The following RASA3 variants were observed in gnomAD, a reference collection of about 807,000 sequenced individuals.
RASA3 encodes the protein ras GTPase-activating protein 3.
In RASA3, 73 loss-of-function variants were observed where a neutral mutation model predicts 110.0. That is an observed-to-expected ratio of 0.66 (90% confidence interval 0.55 to 0.81). RASA3 has a LOEUF of 0.81. Among genes scored for constraint, RASA3 ranks in the 30% least tolerant of loss-of-function variants. The pLI is 0.00. For synonymous variants in RASA3, 500 were observed against 451.4 expected (o/e 1.11, Z -1.37); for missense variants, 976 against 1,113.2 (o/e 0.88, Z 1.75).
chr13:114,067,996 C>T (rs1316778251), intron 2 of RASA3, among the ~76,000 whole-genome samples: 7 of 152,232 alleles, frequency 4.6e-5, no homozygotes, highest in Admixed American at 4.6e-4. Flanking sequence ...TTTGGGGGTG[C>T]TCATGATTTT....
chr13:113,990,492 C>T (rs1327617239), intron 22 of RASA3, among the ~76,000 whole-genome samples: 2 of 152,200 alleles, frequency 1.3e-5, no homozygotes, highest in Non-Finnish European at 2.9e-5. Context: ...TCACCCTCTC[C>T]GAGGCTCCCT....
intron 1 of RASA3, among the ~76,000 whole-genome samples, chr13:114,101,467 G>A (rs147163523): frequency 1.9e-4 from 29 of 152,298 alleles, no homozygotes; most frequent in African/African-American, 2.4e-4. Flanking sequence ...GCTGGGCCCC[G>A]CCCTGAGACA....
rs2080226843 is a variant in RASA3 at position 114,112,071 on chromosome 13, C to T, written c.55+20364G>A. On this transcript the variant is annotated intron_variant, in intron 1 of 23. Coordinates refer to ENST00000334062, the MANE Select transcript of RASA3 (RefSeq NM_007368.4). This position sits in a 1 kb window ranked among gnomAD's most constrained non-coding sequence, Gnocchi z 4.8. ...GTCCCGTAAGTGACACTGTCCCTCC[C>T]TCTCCCTGGAAACAGCAGCCCCCAG... 6.8e-6 allele frequency among the ~76,000 whole-genome samples: 1 copy of T among 148,024 alleles called. No homozygotes were observed. Among genetic ancestry groups the T allele is most frequent in the African/African-American group, 2.5e-5 (1 of 39,532 alleles).
At chr13:114,130,682 G>A (rs764837812) in intron 1 of RASA3, among the ~76,000 whole-genome samples, 19 of 152,310 alleles carry the variant, frequency 1.2e-4, no homozygotes, top group Admixed American at 4.6e-4. Context: ...AAGTCCTGCC[G>A]TGGCCTGAAG....
At chr13:114,052,681 GGA>G (rs2095895875) in intron 2 of RASA3, among the ~76,000 whole-genome samples, 2 of 151,782 alleles carry the variant, frequency 1.3e-5, no homozygotes, top group African/African-American at 4.8e-5. Flanking sequence ...CGCTCCTGGG[GGA>G]GAGGCCCCCG....
At chr13:113,989,582 CATCA>C (rs1297699316) in intron 22 of RASA3, among the ~76,000 whole-genome samples, 19 of 151,436 alleles carry the variant, frequency 1.3e-4, no homozygotes, top group Admixed American at 1.3e-4. Context: ...TCTATCCACC[CATCA>C]CTCACCCCAG....
In RASA3 at chr13:114,132,425, G is replaced by A. The variant is rs1378794889; in HGVS notation, c.55+10C>T. On this transcript the variant is annotated intron_variant, in intron 1 of 23. Coordinates refer to ENST00000334062, the MANE Select transcript of RASA3 (RefSeq NM_007368.4). ...GGGGGTCGGACGCGTGGCTGCCGGC[G>A]GACACTCACCGATCTTGATCTTCAC... is the stretch of plus-strand genomic sequence containing the variant. 3.9e-6 allele frequency: 6 copies of A among 1,520,942 alleles called. No homozygotes were observed. In the Admixed American group the frequency reaches 6.1e-5, roughly 15 times the overall value. The allele number at this position is 1,520,942 out of a possible 1,614,324, so 94.2% of individuals were successfully genotyped here.
At chr13:114,016,372 C>T (rs1038577187) in intron 12 of RASA3, 101 bp from the exon 13 acceptor site, 158 of 913,830 alleles carry the variant, frequency 1.7e-4, no homozygotes, top group Admixed American at 3.7e-5. Flanking sequence ...AGACCCTGAG[C>T]CTCATCCAGA....
intron 1 of RASA3, among the ~76,000 whole-genome samples, chr13:114,098,976 C>CACCCCTCCTTTTCTCAAGGTCAGA (rs1174300646): frequency 1.1e-4 from 17 of 149,064 alleles, no homozygotes; most frequent in African/African-American, 1.7e-4. Flanking sequence ...CCCCCCAGAC[C>CACCCCTCCTTTTCTCAAGGTCAGA]ACAGCAGTCG....
chr13:114,082,855 A>G (rs2079805228), intron 1 of RASA3, among the ~76,000 whole-genome samples: 2 of 152,226 alleles, frequency 1.3e-5, no homozygotes, highest in South Asian at 4.1e-4. Context: ...AGTGTAAAAG[A>G]TGTGTAGCAC....
chr13:113,997,070 G>A (rs771107893), intron 20 of RASA3, among the ~76,000 whole-genome samples: 2 of 152,240 alleles, frequency 1.3e-5, no homozygotes, highest in Non-Finnish European at 2.9e-5. Context: ...CAAGACAAAA[G>A]AGGGGCCCTG....
intron 1 of RASA3, among the ~76,000 whole-genome samples, chr13:114,126,145 C>T (rs1323307507): frequency 6.9e-5 from 9 of 130,314 alleles, no homozygotes; most frequent in African/African-American, 2.6e-4. Flanking sequence ...CAACCTCGCA[C>T]CCTCCAGAGG....
rs112380589 is a variant in RASA3, at chr13:114,129,808, G to C, written c.55+2627C>G. Among the ~76,000 whole-genome samples, 512 of 152,242 alleles carry C rather than the reference G, an allele frequency of 3.4e-3. 4 individuals carry two copies. The highest frequency in any genetic ancestry group is 0.012 in the African/African-American group (483 of 41,532). On this transcript the variant is annotated intron_variant, in intron 1 of 23. Coordinates refer to ENST00000334062, the MANE Select transcript of RASA3 (RefSeq NM_007368.4). ...TATGAAGGGGAAGACACGGGCCCTG[G>C]GTCATGCAGCAAGTCACTGGCAGAC...
intron 1 of RASA3, 90 bp downstream of exon 1, chr13:114,132,345 C>A (rs2080533191): frequency 1.5e-6 from 2 of 1,321,948 alleles, no homozygotes; most frequent in East Asian, 3.1e-5. Flanking sequence ...CGCCGGGGTC[C>A]CCAGCAAGGA....
intron 1 of RASA3, among the ~76,000 whole-genome samples, chr13:114,082,476 C>A (rs2079799477): frequency 6.6e-6 from 1 of 152,258 alleles, no homozygotes; most frequent in Non-Finnish European, 1.5e-5. Context: ...GGACAGTGGG[C>A]AAACCTCCCT....
At chr13:114,039,498 G>T (rs534177793) in intron 4 of RASA3, among the ~76,000 whole-genome samples, 1 of 152,076 alleles carries the variant, frequency 6.6e-6, no homozygotes, top group Admixed American at 6.5e-5. Flanking sequence ...ACCCTGTGCC[G>T]CAACCCTACA....
rs1372734281 is a variant in RASA3 at position 114,032,630 on chromosome 13, C to G, written c.373-2743G>C. On this transcript the variant is annotated intron_variant, in intron 4 of 23. Transcript: ENST00000334062. Reference sequence around the variant, plus strand: ...CGTCGGTGCAGCCCCACGGCACCCCCACACTTGATACTATGCCCCACGGCA... The same window carrying G: ...CGTCGGTGCAGCCCCACGGCACCCCGACACTTGATACTATGCCCCACGGCA... Among the ~76,000 whole-genome samples, 4 of 151,924 alleles carry G rather than the reference C, an allele frequency of 2.6e-5. No individual in the cohort carries two copies. In the East Asian group the frequency reaches 7.7e-4, roughly 29 times the overall value.
intron 7 of RASA3, among the ~76,000 whole-genome samples, chr13:114,025,437 T>C (rs9645936): frequency 0.13 from 20,214 of 150,100 alleles, 1,765 homozygotes; most frequent in Middle Eastern, 0.21. Flanking sequence ...CCCTGCCTCA[T>C]GCCCTCTCTG....
chr13:114,053,378 G>T (rs2079186462), intron 2 of RASA3, among the ~76,000 whole-genome samples: 1 of 152,254 alleles, frequency 6.6e-6, no homozygotes, highest in African/African-American at 2.4e-5. Flanking sequence ...GGTGGGGTTA[G>T]TTTCCTCCCC....
Sources: gnomAD v4.1 joint callset for allele counts (sites outside exome capture counted in the v4.1 genomes callset) on GRCh38, gnomAD v4.1.1 for gene constraint, Gnocchi (gnomAD v3.1) non-coding constraint, MANE v1.5 for transcripts, NCBI Gene and HGNC (gene_info 2026-07-23, HGNC 2026-07-21) for gene names.